The following ILRUN variants were observed in gnomAD, a reference collection of about 807,000 sequenced individuals.
The protein encoded by ILRUN is inflammation and lipid regulator with UBA-like and NBR1-like domains.
Under a neutral mutation model 33.8 loss-of-function variants are expected in ILRUN, and 3 were observed. The observed-to-expected ratio is 0.09, with a 90% CI of 0.04 to 0.23. The LOEUF is 0.23. Among genes scored for constraint, ILRUN ranks in the 10% least tolerant of loss-of-function variants. The probability of loss-of-function intolerance (pLI) is 1.00; values close to 1 mark genes in which losing one functional copy is unlikely to be tolerated. For synonymous variants in ILRUN, 124 were observed against 138.9 expected (o/e 0.89, Z 0.75); for missense variants, 210 against 375.1 (o/e 0.56, Z 3.64).
At chr6:34,670,066 C>T (rs991028389) in intron 1 of ILRUN, among the ~76,000 whole-genome samples, 8 of 152,086 alleles carry the variant, frequency 5.3e-5, no homozygotes, top group African/African-American at 1.9e-4. Context: ...CACCCACTAC[C>T]ACACCCAGCT....
At chr6:34,634,978 G>A (rs1268223458) in intron 3 of ILRUN, among the ~76,000 whole-genome samples, 1 of 152,188 alleles carries the variant, frequency 6.6e-6, no homozygotes, top group East Asian at 1.9e-4. Context: ...TACTTGGGAT[G>A]TAGCTAGAGT....
chr6:34,622,253 C>T lies in ILRUN; in HGVS notation c.512-15349G>A, dbSNP rs574512657. ...GACATCAAAATTAAAAACTGTGCAC[C>T]AAATGACACAATCAACAGAGTAAAA... On this transcript the variant is annotated intron_variant, in intron 3 of 4. Transcript: ENST00000374023. Among the ~76,000 whole-genome samples, 6 of 151,896 alleles carry T rather than the reference C, an allele frequency of 4.0e-5. No individual in the cohort carries two copies. In the South Asian group the frequency reaches 1.3e-3, roughly 32 times the overall value.
At chr6:34,688,918 G>A (rs1042664041) in intron 1 of ILRUN, among the ~76,000 whole-genome samples, 5 of 152,112 alleles carry the variant, frequency 3.3e-5, no homozygotes, top group Non-Finnish European at 5.9e-5. Flanking sequence ...CCAAGATCAC[G>A]TCATTTCACT....
intron 3 of ILRUN, among the ~76,000 whole-genome samples, chr6:34,631,969 T>C (rs1432628477): frequency 6.6e-6 from 1 of 152,180 alleles, no homozygotes; most frequent in African/African-American, 2.4e-5. Flanking sequence ...TATGAATTAC[T>C]GAAAACTGTG....
chr6:34,669,006 G>C (rs1763061357), intron 1 of ILRUN, among the ~76,000 whole-genome samples: 2 of 151,996 alleles, frequency 1.3e-5, no homozygotes, highest in South Asian at 4.1e-4. Context: ...ACCACACCTG[G>C]CTAATTTTTT....
chr6:34,632,959 TA>T (rs1762278645), intron 3 of ILRUN, among the ~76,000 whole-genome samples: 1 of 152,226 alleles, frequency 6.6e-6, no homozygotes, highest in African/African-American at 2.4e-5. Context: ...TCAATAATTA[TA>T]TTAAATGTGA....
rs1333744262 is a variant in ILRUN at position 34,592,674 on chromosome 6, T to C, written c.862-2074A>G. On this transcript the variant is annotated intron_variant, in intron 4 of 4. Coordinates refer to ENST00000374023, the MANE Select transcript of ILRUN (RefSeq NM_024294.4). The surrounding 1 kb of genome is among the most constrained non-coding windows in gnomAD (Gnocchi z 4.0). ...CTGCGCCTGGCCTTTGCCATTACTTTTAATGGCAAAAAATGCAGTTAACTT... is the reference window on the plus strand; with the variant it reads ...CTGCGCCTGGCCTTTGCCATTACTTCTAATGGCAAAAAATGCAGTTAACTT... Among the ~76,000 whole-genome samples the C allele has an allele frequency of 6.6e-6, 1 of 152,210 alleles. No individual in the cohort carries two copies. The highest frequency in any genetic ancestry group is 1.5e-5 in the Non-Finnish European group (1 of 68,030).
At chr6:34,617,237 G>A (rs563931306) in intron 3 of ILRUN, 53 of 408,154 alleles carry the variant, frequency 1.3e-4, no homozygotes, top group South Asian at 1.0e-3. Flanking sequence ...AGATCAACAC[G>A]CTTAATAGAA....
Position 34,646,877 on chromosome 6 carries a change from G to A in ILRUN, c.314-79C>T. On this transcript the variant is annotated intron_variant, in intron 2 of 4. Coordinates refer to ENST00000374023, the MANE Select transcript of ILRUN (RefSeq NM_024294.4). This position sits in a 1 kb window ranked among gnomAD's most constrained non-coding sequence, Gnocchi z 4.9. ...TGCAGTTTATTATGAAACTGTAGAA[G>A]AGGCCTCTTTCTTTTTCTCACATAC... The A allele has an allele frequency of 7.5e-7, 1 of 1,329,544 alleles. No homozygotes were observed. Among genetic ancestry groups the A allele is most frequent in the African/African-American group, 1.4e-5 (1 of 68,996 alleles). 82.4% of individuals were successfully genotyped at this position (1,329,544 alleles called of 1,614,324 possible).
chr6:34,627,004 CA>C (rs1455690845), intron 3 of ILRUN, among the ~76,000 whole-genome samples: 177 of 142,200 alleles, frequency 1.2e-3, no homozygotes, highest in African/African-American at 2.5e-3. Context: ...AACTCCATCT[CA>C]AAAAAAAAAA....
intron 1 of ILRUN, among the ~76,000 whole-genome samples, chr6:34,662,250 G>A (rs1309515464): frequency 1.3e-5 from 2 of 148,432 alleles, no homozygotes; most frequent in Non-Finnish European, 3.0e-5. Context: ...AGCTTGCAGT[G>A]AGCCGAGATC....
At chr6:34,641,963 T>C (rs1008729846) in intron 3 of ILRUN, among the ~76,000 whole-genome samples, 1 of 152,200 alleles carries the variant, frequency 6.6e-6, no homozygotes, top group Admixed American at 6.5e-5. Flanking sequence ...TAGCTTATTA[T>C]AACAAATCTG....
intron 4 of ILRUN, among the ~76,000 whole-genome samples, chr6:34,596,309 GTGCACAGGTGC>G (rs1462330295): frequency 6.6e-6 from 1 of 152,154 alleles, no homozygotes; most frequent in Non-Finnish European, 1.5e-5. Context: ...CCAGGCTGGA[GTGCACAGGTGC>G]GATCTCGACT....
chr6:34,670,688 T>TAA (rs1217976437), intron 1 of ILRUN, among the ~76,000 whole-genome samples: 1 of 144,858 alleles, frequency 6.9e-6, no homozygotes, highest in African/African-American at 2.5e-5. Flanking sequence ...CTGTCTCTAC[T>TAA]AAAAAAAAAA....
chr6:34,614,425 A>AAAT (rs201336928), intron 3 of ILRUN, among the ~76,000 whole-genome samples: 2,568 of 101,290 alleles, frequency 0.025, 46 homozygotes, highest in Middle Eastern at 0.062. Context: ...CCATCTCAAA[A>AAAT]AATAATAAAA....
intron 3 of ILRUN, among the ~76,000 whole-genome samples, chr6:34,621,066 C>T (rs1391852722): frequency 6.6e-6 from 1 of 152,168 alleles, no homozygotes; most frequent in Non-Finnish European, 1.5e-5. Flanking sequence ...TAGCCACTAT[C>T]TGCAAAGAAC....
intron 3 of ILRUN, chr6:34,616,919 G>A: frequency 1.7e-6 from 1 of 603,662 alleles, no homozygotes; most frequent in Middle Eastern, 4.4e-4. Flanking sequence ...GCTGAGGATT[G>A]TAGAACCATA....
In ILRUN at chr6:34,617,714, T is replaced by C. The variant is rs79137282; in HGVS notation, c.512-10810A>G. Among the ~76,000 whole-genome samples, 763 of 152,268 alleles carry C rather than the reference T, an allele frequency of 5.0e-3. 5 individuals are homozygous for C. Among genetic ancestry groups the C allele is most frequent in the Non-Finnish European group, 9.2e-3 (623 of 68,012 alleles). ...CACTGAAACTCCGCATCCCTACCCA[T>C]TCTCACTCCCTACCACCTCTTACCT... On this transcript the variant is annotated intron_variant, in intron 3 of 4. Coordinates refer to ENST00000374023, the MANE Select transcript of ILRUN (RefSeq NM_024294.4).
chr6:34,622,298 G>A (rs1762027388), intron 3 of ILRUN, among the ~76,000 whole-genome samples: 1 of 152,044 alleles, frequency 6.6e-6, no homozygotes, highest in Non-Finnish European at 1.5e-5. Flanking sequence ...TGGAATGAGA[G>A]AAAATATGTA....
Sources: gnomAD v4.1 joint callset for allele counts (sites outside exome capture counted in the v4.1 genomes callset) on GRCh38, gnomAD v4.1.1 for gene constraint, Gnocchi (gnomAD v3.1) non-coding constraint, MANE v1.5 for transcripts, NCBI Gene and HGNC (gene_info 2026-07-23, HGNC 2026-07-21) for gene names.